CCDC3: variants seen among roughly 807,000 people sequenced by gnomAD.
The protein encoded by CCDC3 is coiled-coil domain containing 3.
CCDC3 carries 24 observed loss-of-function variants against 21.4 expected under a neutral mutation model. That is an observed-to-expected ratio of 1.12 (90% CI 0.81 to 1.58). The LOEUF is 1.58. Among genes scored for constraint, CCDC3 ranks in the 40% most tolerant of loss-of-function variants. The pLI, the probability that CCDC3 is intolerant of heterozygous loss-of-function variation, is 0.00. For missense variants in CCDC3, 425 were observed against 360.9 expected (o/e 1.18, Z -1.44); for synonymous variants, 186 against 166.0 (o/e 1.12, Z -0.93).
At chr10:13,040,440 C>T (rs1319157871) in intron 5 of CCDC3, among the ~76,000 whole-genome samples, 4 of 152,048 alleles carry the variant, frequency 2.6e-5, no homozygotes, top group Admixed American at 6.6e-5. Flanking sequence ...TGCGGTGGCT[C>T]GCGCCTGTAA....
chr10:13,023,648 G>C (rs1005126689), intron 5 of CCDC3, among the ~76,000 whole-genome samples: 6 of 152,144 alleles, frequency 3.9e-5, no homozygotes, highest in African/African-American at 1.4e-4. Context: ...CAGGAAATAA[G>C]ATTCATTCAG....
At chr10:12,908,830 G>A (rs948409684) in intron 2 of CCDC3, among the ~76,000 whole-genome samples, 1 of 152,052 alleles carries the variant, frequency 6.6e-6, no homozygotes, top group South Asian at 2.1e-4. Flanking sequence ...TGACCTCGTG[G>A]TCCATCCGCC....
chr10:12,932,103 G>C (rs1303647421), intron 2 of CCDC3, among the ~76,000 whole-genome samples: 1 of 152,136 alleles, frequency 6.6e-6, no homozygotes, highest in East Asian at 1.9e-4. Context: ...TTTCTTCAGA[G>C]TTTTGTAGTT....
At chr10:13,098,539 A>G (rs2131460820) in exon 3 of CCDC3, 1 of 152,188 alleles carries the variant, frequency 6.6e-6, no homozygotes, top group Admixed American at 6.5e-5. Flanking sequence ...GGCACCCCTT[A>G]CAGGCCCCGG....
At chr10:12,981,666 T>C (rs1328450677) in intron 2 of CCDC3, among the ~76,000 whole-genome samples, 1 of 152,156 alleles carries the variant, frequency 6.6e-6, no homozygotes, top group Non-Finnish European at 1.5e-5. Flanking sequence ...TGCTGACTTT[T>C]TGGCACAGGT....
chr10:13,040,859 T>C (rs1437833792), intron 5 of CCDC3, among the ~76,000 whole-genome samples: 1 of 152,198 alleles, frequency 6.6e-6, no homozygotes, highest in African/African-American at 2.4e-5. Context: ...GCTGGAGTCC[T>C]ATCTAGTAAA....
chr10:13,074,767 C>T (rs938834605), intron 3 of CCDC3, among the ~76,000 whole-genome samples: 1 of 152,162 alleles, frequency 6.6e-6, no homozygotes, highest in Non-Finnish European at 1.5e-5. Context: ...CTGTTTTACT[C>T]AGCTATCTAC....
intron 5 of CCDC3, among the ~76,000 whole-genome samples, chr10:13,016,861 G>C (rs1288252970): frequency 6.6e-6 from 1 of 152,046 alleles, no homozygotes; most frequent in African/African-American, 2.4e-5. Context: ...TGTAAGCACT[G>C]TCTATAATAC....
At chr10:13,012,203 C>A (rs895429055) in intron 5 of CCDC3, among the ~76,000 whole-genome samples, 4 of 152,054 alleles carry the variant, frequency 2.6e-5, no homozygotes, top group African/African-American at 9.7e-5. Flanking sequence ...CAAATGAGAC[C>A]TAACTAAAGA....
At chr10:12,948,471 AC>A in intron 2 of CCDC3, among the ~76,000 whole-genome samples, 1 of 102,654 alleles carries the variant, frequency 9.7e-6, no homozygotes, top group South Asian at 3.9e-4. Flanking sequence ...ACAATTGCAC[AC>A]ACACACACAC....
At chr10:13,048,335 G>A (rs1320999276) in intron 5 of CCDC3, among the ~76,000 whole-genome samples, 15 of 151,912 alleles carry the variant, frequency 9.9e-5, no homozygotes. Flanking sequence ...GGGACTACAG[G>A]TGCGCACCAC....
Position 13,011,640 on chromosome 10 carries a change from G to T in CCDC3, c.-1-13128C>A, listed in dbSNP as rs1019635237. 1.2e-4 allele frequency among the ~76,000 whole-genome samples: 19 copies of T among 152,228 alleles called. No individual in the cohort carries two copies. In the Middle Eastern group the frequency reaches 0.01, roughly 82 times the overall value. On this transcript the variant is annotated intron_variant, in intron 5 of 6. Coordinates refer to the CCDC3 transcript ENST00000378839. The stretch of plus-strand genomic sequence containing the variant: ...GCTATAATGCCCAAAGCAATTTATA[G>T]ATTTAGTGCTATTCCTATCAAACTA...
chr10:12,955,011 T>C (rs150197906), intron 2 of CCDC3, among the ~76,000 whole-genome samples: 1 of 152,232 alleles, frequency 6.6e-6, no homozygotes, highest in African/African-American at 2.4e-5. Context: ...ACATTACCAG[T>C]TGTCATTCAC....
At chr10:12,953,921 C>G (rs1341160364) in intron 2 of CCDC3, among the ~76,000 whole-genome samples, 1 of 152,178 alleles carries the variant, frequency 6.6e-6, no homozygotes, top group African/African-American at 2.4e-5. Flanking sequence ...GTTGCAACTA[C>G]TCAACCATGA....
chr10:13,037,301 TTTAAA>T (rs1836390024), intron 5 of CCDC3, among the ~76,000 whole-genome samples: 1 of 152,218 alleles, frequency 6.6e-6, no homozygotes, highest in South Asian at 2.1e-4. Flanking sequence ...TCAAGTTTTT[TTTAAA>T]TTAAATACTT....
chr10:12,982,807 A>C (rs867865534), intron 2 of CCDC3, among the ~76,000 whole-genome samples: 179 of 149,486 alleles, frequency 1.2e-3, no homozygotes, highest in African/African-American at 3.9e-3. Context: ...AAAAAAAAAA[A>C]AAAAAAAAAA....
At chr10:12,917,736 G>C (rs1247232381) in intron 2 of CCDC3, among the ~76,000 whole-genome samples, 1 of 152,134 alleles carries the variant, frequency 6.6e-6, no homozygotes, top group East Asian at 1.9e-4. Flanking sequence ...TGCAACCCGA[G>C]TTTCATTATT....
chr10:12,926,787 T>C (rs1199363933), intron 2 of CCDC3, among the ~76,000 whole-genome samples: 6 of 152,170 alleles, frequency 3.9e-5, no homozygotes, highest in Non-Finnish European at 4.4e-5. Context: ...AGGGCTATAT[T>C]GATATCAGGC....
chr10:13,020,495 A>G (rs554386806), intron 5 of CCDC3, among the ~76,000 whole-genome samples: 1 of 152,328 alleles, frequency 6.6e-6, no homozygotes, highest in South Asian at 2.1e-4. Context: ...TTTTTCTTTC[A>G]TGCTCTAATG....
Sources: allele counts gnomAD v4.1 joint callset (sites outside exome capture counted in the v4.1 genomes callset), GRCh38; gene constraint gnomAD v4.1.1; transcripts MANE v1.5; gene names NCBI Gene and HGNC (gene_info 2026-07-23, HGNC 2026-07-21).